ZFHX3: variants seen among roughly 807,000 people sequenced by gnomAD.
ZFHX3 encodes the protein zinc finger homeobox protein 3.
Under a neutral mutation model 279.1 loss-of-function variants are expected in ZFHX3, and 42 were observed. The ratio of observed to expected loss-of-function variants is 0.15; its 90% CI spans 0.12 to 0.19. The LOEUF is 0.19. Among genes scored for constraint, ZFHX3 ranks in the 10% least tolerant of loss-of-function variants. The probability of loss-of-function intolerance (pLI) is 1.00; values close to 1 mark genes in which losing one functional copy is unlikely to be tolerated. For missense variants in ZFHX3, 4,981 were observed against 4,754.0 expected, an observed-to-expected ratio of 1.05 and a Z score of -1.40; for synonymous variants, 2,293 against 1,957.8, an observed-to-expected ratio of 1.17 and a Z score of -4.52.
At chr16:73,530,074 A>G (rs911313046) in intron 2 of ZFHX3, among the ~76,000 whole-genome samples, 1 of 152,160 alleles carries the variant, frequency 6.6e-6, no homozygotes, top group Admixed American at 6.5e-5. Context: ...ATTACAGACA[A>G]AAAGAGGTTT....
At chr16:72,879,936 G>C (rs1354151871) in intron 4 of ZFHX3, among the ~76,000 whole-genome samples, 1 of 152,234 alleles carries the variant, frequency 6.6e-6, no homozygotes, top group East Asian at 1.9e-4. Flanking sequence ...GGCAAGGAAA[G>C]AGTCATGGTA....
At chr16:73,086,521 C>T (rs1485059114) in intron 8 of ZFHX3, among the ~76,000 whole-genome samples, 2 of 152,164 alleles carry the variant, frequency 1.3e-5, no homozygotes, top group South Asian at 2.1e-4. Context: ...TGGAATATTA[C>T]TCAGCTACAA....
intron 3 of ZFHX3, among the ~76,000 whole-genome samples, chr16:73,349,194 C>T (rs1215379533): frequency 1.3e-5 from 2 of 152,190 alleles, no homozygotes; most frequent in African/African-American, 4.8e-5. Context: ...TATCAAACAT[C>T]TTAAAATCTG....
At chr16:73,255,963 G>T (rs1200624284) in intron 5 of ZFHX3, among the ~76,000 whole-genome samples, 1 of 152,080 alleles carries the variant, frequency 6.6e-6, no homozygotes, top group African/African-American at 2.4e-5. Context: ...GATTTCCTAG[G>T]ACTCACATTC....
At chr16:73,530,306 T>A (rs2019776280) in intron 2 of ZFHX3, among the ~76,000 whole-genome samples, 1 of 152,122 alleles carries the variant, frequency 6.6e-6, no homozygotes, top group African/African-American at 2.4e-5. Context: ...CCCACAAAAA[T>A]TGGGAATTAC....
intron 6 of ZFHX3, among the ~76,000 whole-genome samples, chr16:73,131,912 T>C (rs1966690656): frequency 6.6e-6 from 1 of 152,148 alleles, no homozygotes; most frequent in Admixed American, 6.5e-5. Context: ...TGTTTGGGGA[T>C]GTTTAACTGC....
chr16:73,305,071 A>T (rs1024977871), intron 4 of ZFHX3, among the ~76,000 whole-genome samples: 10 of 95,120 alleles, frequency 1.1e-4, no homozygotes, highest in East Asian at 6.2e-4. Context: ...AAAATAAAAT[A>T]AAAAATTAAA....
intron 2 of ZFHX3, among the ~76,000 whole-genome samples, chr16:73,535,132 T>C (rs1382086452): frequency 6.6e-6 from 1 of 152,214 alleles, no homozygotes; most frequent in Non-Finnish European, 1.5e-5. Flanking sequence ...TCCGACACTA[T>C]GTCCCTGAAT....
chr16:72,833,983 T>C (rs1218953316), intron 4 of ZFHX3, among the ~76,000 whole-genome samples: 3 of 152,178 alleles, frequency 2.0e-5, no homozygotes, highest in Non-Finnish European at 2.9e-5. Context: ...TGGTGGCTCA[T>C]GTCTGTAAAT....
At chr16:73,843,717 G>A (rs1180050670) in intron 1 of ZFHX3, among the ~76,000 whole-genome samples, 5 of 152,178 alleles carry the variant, frequency 3.3e-5, no homozygotes, top group East Asian at 3.8e-4. Context: ...TACTTAGAAT[G>A]AGATTCCAAG....
At chr16:73,274,028 C>T (rs548370564) in intron 4 of ZFHX3, among the ~76,000 whole-genome samples, 9 of 152,250 alleles carry the variant, frequency 5.9e-5, no homozygotes, top group Non-Finnish European at 1.2e-4. Context: ...CCTGTAATCC[C>T]AGCTACTCGG....
At chr16:73,244,194 T>C (rs2013212447) in intron 5 of ZFHX3, among the ~76,000 whole-genome samples, 1 of 152,144 alleles carries the variant, frequency 6.6e-6, no homozygotes, top group Non-Finnish European at 1.5e-5. Flanking sequence ...TTTTTGGGAA[T>C]ATTTTTGAGT....
At chr16:73,816,080 G>A (rs1205796711) in intron 1 of ZFHX3, 1 of 152,140 alleles carries the variant, frequency 6.6e-6, no homozygotes, top group African/African-American at 2.4e-5. Context: ...CTGGAATATG[G>A]ATCTAAGTAA....
intron 5 of ZFHX3, among the ~76,000 whole-genome samples, chr16:73,165,168 T>A (rs1363333024): frequency 3.3e-5 from 5 of 152,158 alleles, no homozygotes; most frequent in Non-Finnish European, 7.3e-5. Flanking sequence ...CTTACAGATT[T>A]CTCAGAGGGA....
intron 2 of ZFHX3, among the ~76,000 whole-genome samples, chr16:73,510,009 A>T (rs1001993176): frequency 6.6e-6 from 1 of 152,158 alleles, no homozygotes; most frequent in Admixed American, 6.5e-5. Context: ...GCCTGTCTCA[A>T]ACATGCTCAG....
intron 3 of ZFHX3, among the ~76,000 whole-genome samples, chr16:73,435,109 G>C (rs951723895): frequency 6.6e-6 from 1 of 152,136 alleles, no homozygotes; most frequent in African/African-American, 2.4e-5. Flanking sequence ...CAGCTTTCAG[G>C]TGCACCTAGG....
At chr16:73,764,072 T>C (rs1280830140) in intron 1 of ZFHX3, among the ~76,000 whole-genome samples, 1 of 152,138 alleles carries the variant, frequency 6.6e-6, no homozygotes, top group Non-Finnish European at 1.5e-5. Flanking sequence ...CTACAGAAAC[T>C]GTGAGATCAT....
chr16:73,402,229 A>T (rs1213079277), intron 3 of ZFHX3: 2 of 152,216 alleles, frequency 1.3e-5, no homozygotes, highest in African/African-American at 4.8e-5. Flanking sequence ...TGAGTTAAGG[A>T]TCTGTAAACA....
intron 1 of ZFHX3, among the ~76,000 whole-genome samples, chr16:73,686,321 C>A (rs2053083709): frequency 6.6e-6 from 1 of 152,108 alleles, no homozygotes; most frequent in Admixed American, 6.5e-5. Context: ...GTCTTGAATT[C>A]CAGACCTCGT....
Sources: allele counts gnomAD v4.1 joint callset (sites outside exome capture counted in the v4.1 genomes callset), GRCh38; gene constraint gnomAD v4.1.1; transcripts MANE v1.5; gene names NCBI Gene and HGNC (gene_info 2026-07-23, HGNC 2026-07-21).